The following IL34 variants were observed in gnomAD, a reference collection of about 807,000 sequenced individuals.
The protein encoded by IL34 is interleukin 34.
In IL34, 17 loss-of-function variants were observed where a neutral mutation model predicts 25.3. The observed-to-expected ratio is 0.67, with a 90% CI of 0.46 to 1.01. The LOEUF (loss-of-function observed/expected upper bound fraction) is 1.01, where lower values mean the gene tolerates loss of function less well. IL34 is among the 50% of genes least tolerant of loss of function. The pLI is 0.00. For missense variants in IL34, 368 were observed against 312.9 expected, an observed-to-expected ratio of 1.18 and a Z score of -1.33; for synonymous variants, 174 against 140.9, an observed-to-expected ratio of 1.23 and a Z score of -1.66.
intron 1 of IL34, among the ~76,000 whole-genome samples, chr16:70,627,408 C>T (rs1186091126): frequency 6.6e-6 from 1 of 151,758 alleles, no homozygotes; most frequent in Non-Finnish European, 1.5e-5. Flanking sequence ...CCCTCCCTCC[C>T]TCCAAAGGTG....
chr16:70,659,237 G>A (rs886557630), intron 4 of IL34, among the ~76,000 whole-genome samples: 2 of 152,210 alleles, frequency 1.3e-5, no homozygotes, highest in African/African-American at 4.8e-5. Flanking sequence ...ACCTTCTCTT[G>A]TTCCTTGGAG....
chr16:70,602,011 C>G (rs2050925430), intron 1 of IL34, among the ~76,000 whole-genome samples: 1 of 152,222 alleles, frequency 6.6e-6, no homozygotes, highest in African/African-American at 2.4e-5. Context: ...TTGCTCCTCT[C>G]CAGGCCCAGC....
chr16:70,646,222 G>A (rs1454262816), upstream of IL34, among the ~76,000 whole-genome samples: 1 of 152,102 alleles, frequency 6.6e-6, no homozygotes, highest in Non-Finnish European at 1.5e-5. Context: ...TTTTCGGAGT[G>A]GGAGCTCGTC....
At chr16:70,650,392 G>A (rs1216121206) in intron 1 of IL34, among the ~76,000 whole-genome samples, 1 of 152,188 alleles carries the variant, frequency 6.6e-6, no homozygotes, top group Non-Finnish European at 1.5e-5. Flanking sequence ...GGTTTCCAGG[G>A]CAGCTGTGTG....
At chr16:70,590,971 C>T (rs900178423) in intron 1 of IL34, among the ~76,000 whole-genome samples, 1 of 152,188 alleles carries the variant, frequency 6.6e-6, no homozygotes, top group Non-Finnish European at 1.5e-5. Flanking sequence ...ACACTGTCAG[C>T]GCTGGCTGCT....
chr16:70,612,208 C>A (rs1190485796), intron 1 of IL34, among the ~76,000 whole-genome samples: 2 of 152,014 alleles, frequency 1.3e-5, no homozygotes, highest in Non-Finnish European at 2.9e-5. Flanking sequence ...CCCCTGGGGG[C>A]TTTTCCTTCC....
chr16:70,640,302 C>T (rs968575836), intron 1 of IL34, among the ~76,000 whole-genome samples: 3 of 151,980 alleles, frequency 2.0e-5, no homozygotes, highest in African/African-American at 4.8e-5. Context: ...CCACCATGCC[C>T]GGCTAATTTT....
At chr16:70,631,910 C>T (rs1035528462) in intron 1 of IL34, among the ~76,000 whole-genome samples, 2 of 147,780 alleles carry the variant, frequency 1.4e-5, no homozygotes, top group Non-Finnish European at 3.0e-5. Context: ...GGTACCATGG[C>T]AAAACCCTGT....
At chr16:70,652,930 A>G (rs553778487) in intron 1 of IL34, among the ~76,000 whole-genome samples, 3 of 152,280 alleles carry the variant, frequency 2.0e-5, no homozygotes, top group South Asian at 2.1e-4. Flanking sequence ...ATGACCGGGC[A>G]TGGTGGCTCG....
At chr16:70,654,751 C>T (rs2052171699) in intron 2 of IL34, 80 bp downstream of exon 2, 6 of 1,496,600 alleles carry the variant, frequency 4.0e-6, no homozygotes, top group Non-Finnish European at 5.4e-6. Context: ...CATTCAGAGC[C>T]CTTCTTAGGA....
At chr16:70,595,384 G>A (rs1200417794) in intron 1 of IL34, among the ~76,000 whole-genome samples, 1 of 151,924 alleles carries the variant, frequency 6.6e-6, no homozygotes, top group Non-Finnish European at 1.5e-5. Context: ...CCTGGCTGGA[G>A]TACATGACTC....
intron 1 of IL34, among the ~76,000 whole-genome samples, chr16:70,635,592 A>G (rs1488593489): frequency 6.6e-6 from 1 of 152,128 alleles, no homozygotes; most frequent in East Asian, 1.9e-4. Context: ...CTTGAGCAGG[A>G]GCTGTTTCCA....
chr16:70,628,496 T>C (rs887898120), intron 1 of IL34, among the ~76,000 whole-genome samples: 2 of 150,698 alleles, frequency 1.3e-5, no homozygotes, highest in East Asian at 3.9e-4. Context: ...TTTATTTATT[T>C]TTTTTTTTGA....
chr16:70,656,400 TC>T (rs2052220035), intron 2 of IL34, among the ~76,000 whole-genome samples: 1 of 152,164 alleles, frequency 6.6e-6, no homozygotes, highest in South Asian at 2.1e-4. Flanking sequence ...ACACCTGTAG[TC>T]CCACCTACTT....
At chr16:70,624,291 G>A (rs928287863) in intron 1 of IL34, among the ~76,000 whole-genome samples, 1 of 151,910 alleles carries the variant, frequency 6.6e-6, no homozygotes, top group Admixed American at 6.6e-5. Flanking sequence ...GGCTGCTGTG[G>A]TTCAGGCATT....
intron 1 of IL34, among the ~76,000 whole-genome samples, chr16:70,631,824 C>A (rs1252313617): frequency 6.6e-6 from 1 of 152,098 alleles, no homozygotes. Flanking sequence ...CAAGTTACCT[C>A]ATCCCTCTGG....
chr16:70,647,072 G>A lies in IL34; in HGVS notation c.28+97G>A, dbSNP rs185531379. On this transcript the variant is annotated intron_variant, in intron 1 of 5. Transcript: ENST00000288098. ...TAGCAACCAGGGCATTCTTGCTGGT[G>A]AGAAGTTGCGATGCTTCCCAGCCGG... The A allele has an allele frequency of 3.2e-5, 35 of 1,107,416 alleles. No individual in the cohort carries two copies. In the African/African-American group the frequency reaches 4.8e-4, roughly 15 times the overall value. 68.6% of individuals were successfully genotyped at this position (1,107,416 alleles called of 1,614,324 possible). A position where few individuals can be genotyped will look rare whatever the true frequency, so the allele number is the denominator to read the frequency against.
At chr16:70,638,837 C>T (rs2051716573) in intron 1 of IL34, among the ~76,000 whole-genome samples, 1 of 152,184 alleles carries the variant, frequency 6.6e-6, no homozygotes, top group Admixed American at 6.5e-5. Flanking sequence ...TTGCCTCAGC[C>T]TCCGAAAATG....
chr16:70,610,309 T>C (rs1448103494), intron 1 of IL34, among the ~76,000 whole-genome samples: 1 of 152,118 alleles, frequency 6.6e-6, no homozygotes, highest in African/African-American at 2.4e-5. Flanking sequence ...GTGGATTCTC[T>C]CCTTCATCCC....
Sources: gnomAD v4.1 joint callset for allele counts (sites outside exome capture counted in the v4.1 genomes callset) on GRCh38, gnomAD v4.1.1 for gene constraint, MANE v1.5 for transcripts, NCBI Gene and HGNC (gene_info 2026-07-23, HGNC 2026-07-21) for gene names.